Variants in ACSBG2 observed in about 807,000 individuals in gnomAD.
The protein encoded by ACSBG2 is acyl-CoA synthetase bubblegum family member 2.
A neutral mutation model predicts 74.7 loss-of-function variants in ACSBG2; 62 were observed. The observed-to-expected ratio is 0.83, with a 90% confidence interval of 0.68 to 1.03. The LOEUF (loss-of-function observed/expected upper bound fraction) is 1.03, where lower values mean the gene tolerates loss of function less well. Ranked by LOEUF, ACSBG2 falls within the 50% of genes least tolerant of loss-of-function variation. The pLI, the probability that ACSBG2 is intolerant of heterozygous loss-of-function variation, is 0.00. For synonymous variants in ACSBG2, 309 were observed against 294.1 expected (o/e 1.05, Z -0.52); for missense variants, 730 against 817.6 (o/e 0.89, Z 1.31).
chr19:6,140,293 A>T (rs1002898393), intron 1 of ACSBG2, among the ~76,000 whole-genome samples: 1 of 151,102 alleles, frequency 6.6e-6, no homozygotes, highest in Non-Finnish European at 1.5e-5. Flanking sequence ...TACAAACACC[A>T]CTCCAAAGCC....
intron 5 of ACSBG2, chr19:6,160,523 C>T (rs371836285): frequency 2.3e-4 from 35 of 152,334 alleles, no homozygotes; most frequent in African/African-American, 8.4e-4. Context: ...TTTTTATTGC[C>T]TGACTCCGAG....
intron 11 of ACSBG2, among the ~76,000 whole-genome samples, chr19:6,186,907 G>A (rs2090422859): frequency 6.6e-6 from 1 of 151,910 alleles, no homozygotes; most frequent in South Asian, 2.1e-4. Context: ...GTGTTGCCCA[G>A]GTTGGTCTAG....
At chr19:6,190,808 T>TACAGACACACAC in intron 14 of ACSBG2, 116 bp downstream of exon 14, 2 of 387,400 alleles carry the variant, frequency 5.2e-6, no homozygotes, top group Non-Finnish European at 9.4e-6. Context: ...CATACACACA[T>TACAGACACACAC]ACATACACAC....
intron 7 of ACSBG2, among the ~76,000 whole-genome samples, chr19:6,166,411 T>C (rs2145150599): frequency 6.6e-6 from 1 of 150,920 alleles, no homozygotes; most frequent in South Asian, 2.1e-4. Context: ...CTGCCTCCGT[T>C]CAAGTGATTT....
chr19:6,159,072 T>C (rs1042626202), intron 5 of ACSBG2, among the ~76,000 whole-genome samples: 14 of 152,052 alleles, frequency 9.2e-5, no homozygotes, highest in Admixed American at 9.2e-4. Flanking sequence ...ATTCTCATGC[T>C]TCAGTCTCCC....
At chr19:6,185,969 T>C (rs2090393753) in intron 11 of ACSBG2, among the ~76,000 whole-genome samples, 1 of 152,152 alleles carries the variant, frequency 6.6e-6, no homozygotes, top group Admixed American at 6.5e-5. Flanking sequence ...AAGAAATTCC[T>C]TGTGACATCA....
chr19:6,150,391 A>G (rs2089195013), intron 3 of ACSBG2, among the ~76,000 whole-genome samples: 1 of 151,644 alleles, frequency 6.6e-6, no homozygotes, highest in Non-Finnish European at 1.5e-5. Flanking sequence ...TTATTTGTAG[A>G]CTCAGGGTCA....
chr19:6,169,482 T>G (rs1243321286), intron 7 of ACSBG2, among the ~76,000 whole-genome samples: 1 of 152,258 alleles, frequency 6.6e-6, no homozygotes, highest in Non-Finnish European at 1.5e-5. Context: ...GCTGTTTTAG[T>G]TACTATAGCC....
chr19:6,190,757 G>A lies in ACSBG2; in HGVS notation c.*35+65G>A, dbSNP rs2090538312. ...AGAGTCCAAGAGAGGGCTCCACTGT[G>A]TGGCAGGCAGATCTGTGACTGGAAC... On this transcript the variant is annotated intron_variant, in intron 14 of 14. Coordinates refer to ENST00000588485, the MANE Select transcript of ACSBG2 (RefSeq NM_030924.5). 8 of 1,009,060 alleles carry A rather than the reference G, an allele frequency of 7.9e-6. No individual in the cohort carries two copies. In the South Asian group the frequency reaches 1.0e-4, roughly 13 times the overall value. The allele number at this position is 1,009,060 out of a possible 1,614,324, so 62.5% of individuals were successfully genotyped here.
intron 5 of ACSBG2, among the ~76,000 whole-genome samples, chr19:6,157,360 A>G (rs564870568): frequency 1.3e-5 from 2 of 152,300 alleles, no homozygotes; most frequent in Admixed American, 1.3e-4. Flanking sequence ...GTTTGAGACC[A>G]GTGTGGCCAA....
intron 8 of ACSBG2, among the ~76,000 whole-genome samples, chr19:6,177,666 C>A (rs963771509): frequency 6.6e-6 from 1 of 151,930 alleles, no homozygotes; most frequent in Non-Finnish European, 1.5e-5. Context: ...ATGGCGAAAC[C>A]CTATCTCTAC....
intron 8 of ACSBG2, among the ~76,000 whole-genome samples, chr19:6,178,380 A>G (rs890541364): frequency 6.6e-6 from 1 of 151,780 alleles, no homozygotes; most frequent in Non-Finnish European, 1.5e-5. Flanking sequence ...TTGCATTATT[A>G]TTATTATTAT....
chr19:6,150,772 C>T (rs201346389), intron 3 of ACSBG2, among the ~76,000 whole-genome samples: 1 of 152,088 alleles, frequency 6.6e-6, no homozygotes, highest in Non-Finnish European at 1.5e-5. Flanking sequence ...ACAGTGGTGA[C>T]GGTTGTACAA....
At chr19:6,190,500 TG>T in intron 13 of ACSBG2, 83 bp from the exon 14 acceptor site, 1 of 1,197,480 alleles carries the variant, frequency 8.4e-7, no homozygotes, top group Non-Finnish European at 1.2e-6. Context: ...GCCCCAGGCA[TG>T]GGACTCTGTT....
At chr19:6,176,229 T>C in intron 7 of ACSBG2, 8 of 1,227,722 alleles carry the variant, frequency 6.5e-6, no homozygotes, top group Non-Finnish European at 8.5e-6. Flanking sequence ...TCACCTGGGC[T>C]ACCCAAGAGG....
chr19:6,161,805 G>A (rs772909034), intron 6 of ACSBG2, among the ~76,000 whole-genome samples: 3 of 152,202 alleles, frequency 2.0e-5, no homozygotes, highest in Admixed American at 2.0e-4. Context: ...TGAAGGGACT[G>A]ATTAATGAAC....
intron 7 of ACSBG2, among the ~76,000 whole-genome samples, chr19:6,173,177 T>A (rs1022584433): frequency 3.9e-5 from 6 of 152,108 alleles, no homozygotes; most frequent in Non-Finnish European, 8.8e-5. Context: ...AAGGGTTAGA[T>A]CTTCAGGGAT....
chr19:6,147,407 T>G, intron 2 of ACSBG2, 39 bp from the exon 3 acceptor site: 1 of 1,564,396 alleles, frequency 6.4e-7, no homozygotes, highest in Non-Finnish European at 8.8e-7. Flanking sequence ...ATTAAATAAA[T>G]AAAAACATTT....
intron 11 of ACSBG2, among the ~76,000 whole-genome samples, chr19:6,186,057 ACT>A (rs1491527399): frequency 1.4e-3 from 154 of 108,124 alleles, no homozygotes; most frequent in African/African-American, 4.6e-3. Context: ...CAACAGTTTT[ACT>A]TTTTTTTTTT....
Sources: gnomAD v4.1 joint callset for allele counts (sites outside exome capture counted in the v4.1 genomes callset) on GRCh38, gnomAD v4.1.1 for gene constraint, MANE v1.5 for transcripts, NCBI Gene and HGNC (gene_info 2026-07-23, HGNC 2026-07-21) for gene names.